NFASC: variants seen among roughly 807,000 people sequenced by gnomAD.
The protein encoded by NFASC is neurofascin homolog.
Under a neutral mutation model 147.5 loss-of-function variants are expected in NFASC, and 43 were observed. The observed-to-expected ratio is 0.29, with a 90% CI of 0.23 to 0.38. The LOEUF is 0.38. Among genes scored for constraint, NFASC ranks in the 10% least tolerant of loss-of-function variants. The probability of loss-of-function intolerance (pLI) is 1.00; values close to 1 mark genes in which losing one functional copy is unlikely to be tolerated. For synonymous variants in NFASC, 622 were observed against 665.5 expected, an observed-to-expected ratio of 0.93 and a Z score of 1.01; for missense variants, 1,320 against 1,689.0, an observed-to-expected ratio of 0.78 and a Z score of 3.83.
At chr1:205,004,089 C>G (rs189891076) in intron 27 of NFASC, among the ~76,000 whole-genome samples, 1 of 152,258 alleles carries the variant, frequency 6.6e-6, no homozygotes, top group Non-Finnish European at 1.5e-5. Context: ...CAGATGAGGT[C>G]CCAAGCTGTT....
Position 204,973,373 on chromosome 1 carries a change from C to T in NFASC, c.1233C>T (p.Ser411=), listed in dbSNP as rs2095314126. 1 of 1,614,144 alleles carries T rather than the reference C, an allele frequency of 6.2e-7. No homozygotes were observed. Among genetic ancestry groups the T allele is most frequent in the Non-Finnish European group, 8.5e-7 (1 of 1,180,060 alleles). The part of the protein sequence containing the change: ...SSRAVYQCNT[S]NEHGYLLANA... Reference sequence around the variant, plus strand: ...GGGCTGTGTACCAGTGCAACACCTCCAACGAGCATGGCTACCTGCTGGCCA... The same window carrying T: ...GGGCTGTGTACCAGTGCAACACCTCTAACGAGCATGGCTACCTGCTGGCCA... The change falls in exon 12 of 30, where the codon TCC becomes TCT. Residue 411 remains serine, a synonymous_variant. Transcript: ENST00000339876.
intron 2 of NFASC, among the ~76,000 whole-genome samples, chr1:204,926,611 G>C (rs1376259373): frequency 2.0e-5 from 3 of 149,044 alleles, no homozygotes; most frequent in African/African-American, 7.4e-5. Flanking sequence ...ATGAAGTTTT[G>C]CCATGTTGCC....
chr1:204,974,788 G>A lies in NFASC; in HGVS notation c.1523G>A (p.Gly508Asp). ...IYTCVATNIL[G>D]KAENQVRLEV... ...ACCTGTGTCGCCACCAACATCCTGG[G>A]CAAAGCTGAAAACCAAGTCCGCCTG... The change falls in exon 14 of 30, where the codon GGC (glycine) becomes GAC (aspartate). Residue 508 changes from glycine to aspartate, a missense_variant. Gly to Asp is a moderately conservative substitution (Grantham distance 94, BLOSUM62 -1). This residue lies in a region of NFASC where 981 missense variants were observed against 1,289.5 expected (regional missense o/e 0.76). Coordinates refer to ENST00000339876, the MANE Select transcript of NFASC (RefSeq NM_001005388.3). 1.2e-6 allele frequency: 2 copies of A among 1,614,210 alleles called. No homozygotes were observed. Among genetic ancestry groups the A allele is most frequent in the South Asian group, 1.1e-5 (1 of 91,080 alleles).
intron 1 of NFASC, among the ~76,000 whole-genome samples, chr1:204,893,020 T>C (rs2082694009): frequency 6.6e-6 from 1 of 152,222 alleles, no homozygotes; most frequent in South Asian, 2.1e-4. Context: ...GGTTTCATAG[T>C]AATCCCATGA....
chr1:204,944,332 C>T lies in NFASC; in HGVS notation c.17C>T (p.Pro6Leu), dbSNP rs147777257. ...GTGCCGAGGATGGCCAGGCAGCCAC[C>T]GCCGCCCTGGGTCCATGCAGCCTTC... Reference protein sequence around the residue: MARQPPPPWVHAAFLL... With the variant: MARQPLPPWVHAAFLL... The change falls in exon 3 of 30, where the codon CCG (proline) becomes CTG (leucine). Residue 6 changes from proline (P) to leucine (L), a missense_variant. By Grantham distance (98) the Pro-to-Leu change is moderately conservative. Transcript: ENST00000339876. 24 of 1,613,662 alleles carry T rather than the reference C, an allele frequency of 1.5e-5. No homozygotes were observed. The highest frequency in any genetic ancestry group is 6.7e-5 in the Admixed American group (4 of 60,002).
chr1:204,857,129 G>A (rs1179281020), intron 1 of NFASC, among the ~76,000 whole-genome samples: 1 of 152,216 alleles, frequency 6.6e-6, no homozygotes, highest in African/African-American at 2.4e-5. Flanking sequence ...GCTGCACCAT[G>A]TTATGTTCCC....
chr1:204,938,478 A>G (rs552026801), intron 2 of NFASC, among the ~76,000 whole-genome samples: 18 of 152,158 alleles, frequency 1.2e-4, no homozygotes, highest in African/African-American at 3.9e-4. Context: ...TGTTATCCCC[A>G]TTTTTCAGAT....
At chr1:204,879,358 G>T (rs759859151) in intron 1 of NFASC, among the ~76,000 whole-genome samples, 1 of 152,214 alleles carries the variant, frequency 6.6e-6, no homozygotes, top group East Asian at 1.9e-4. Flanking sequence ...CAAAACAGTC[G>T]TCTGTAGGAT....
intron 27 of NFASC, among the ~76,000 whole-genome samples, chr1:205,006,026 T>C (rs993261041): frequency 6.6e-6 from 1 of 152,212 alleles, no homozygotes; most frequent in Non-Finnish European, 1.5e-5. Context: ...AACTAGGCCA[T>C]TGACTAGGTC....
intron 1 of NFASC, among the ~76,000 whole-genome samples, chr1:204,830,903 T>C (rs1672045770): frequency 6.6e-6 from 1 of 152,192 alleles, no homozygotes; most frequent in African/African-American, 2.4e-5. Context: ...TCCTGTGCAG[T>C]AAACTCTGAA....
Position 205,002,652 on chromosome 1 carries a change from A to T in NFASC, c.3193A>T (p.Thr1065Ser). The part of the protein sequence containing the change: ...VKAQAQPIQL[T>S]DLYPGMTYTL... ...GGCCCAGGCTCAGCCTATACAGCTG[A>T]CAGACCTCTATCCCGGGATGACATA... Residue 1065 changes from threonine (T) to serine (S), a missense_variant, in exon 27 of 30, where the codon ACA (threonine) becomes TCA (serine). Thr to Ser is a moderately conservative substitution (Grantham distance 58). Transcript: ENST00000339876. The T allele has an allele frequency of 6.3e-7, 1 of 1,585,088 alleles. No individual in the cohort carries two copies. The highest frequency in any genetic ancestry group is 1.1e-5 in the South Asian group (1 of 88,536).
chr1:204,899,164 G>A lies in NFASC; in HGVS notation c.-199-21468G>A, dbSNP rs560860690. The stretch of plus-strand genomic sequence containing the variant: ...AAAGGTACTGAAGCTATTAAAAAAA[G>A]TCACAGCACCGCTGGCTCCATGCAG... On this transcript the variant is annotated intron_variant, in intron 1 of 29. Coordinates refer to ENST00000339876, the MANE Select transcript of NFASC (RefSeq NM_001005388.3). Among the ~76,000 whole-genome samples, 24 of 152,330 alleles carry A rather than the reference G, an allele frequency of 1.6e-4. No homozygotes were observed. In the East Asian group the frequency reaches 4.4e-3, roughly 28 times the overall value.
intron 3 of NFASC, chr1:204,946,683 CG>C: frequency 1.9e-6 from 1 of 516,968 alleles, no homozygotes; most frequent in African/African-American, 1.9e-5. Context: ...TGGTCATGTA[CG>C]GCGAGGGCAT....
intron 1 of NFASC, among the ~76,000 whole-genome samples, chr1:204,872,166 G>A (rs1463411062): frequency 1.3e-5 from 2 of 152,238 alleles, no homozygotes; most frequent in Admixed American, 1.3e-4. Context: ...CCTTCCCAGA[G>A]GCAGTCAGAC....
At chr1:204,848,901 G>C (rs2075410462) in intron 1 of NFASC, among the ~76,000 whole-genome samples, 1 of 152,192 alleles carries the variant, frequency 6.6e-6, no homozygotes. Context: ...AATAATCTGC[G>C]ATAATACCAC....
At chr1:204,942,265 C>T (rs1381503620) in intron 2 of NFASC, among the ~76,000 whole-genome samples, 4 of 152,116 alleles carry the variant, frequency 2.6e-5, no homozygotes, top group African/African-American at 4.8e-5. Flanking sequence ...CAAATACTAA[C>T]GAGAGAGGGC....
chr1:204,899,604 C>G (rs1309734767), intron 1 of NFASC, among the ~76,000 whole-genome samples: 1 of 152,208 alleles, frequency 6.6e-6, no homozygotes, highest in Non-Finnish European at 1.5e-5. Context: ...CCCTGCCCTT[C>G]CTTCTCAAAA....
At chr1:204,946,282 C>T (rs758309306) in intron 3 of NFASC, 1 of 507,442 alleles carries the variant, frequency 2.0e-6, no homozygotes, top group Non-Finnish European at 4.0e-6. Context: ...CTAAGTGCTG[C>T]ATGTGCCTCA....
At chr1:204,974,949 A>G (rs1008795950) in intron 14 of NFASC, 126 bp downstream of exon 14, 3 of 995,122 alleles carry the variant, frequency 3.0e-6, no homozygotes, top group Admixed American at 2.1e-5. Context: ...TGGGCTGCCC[A>G]GTTTGCACCT....
Sources: allele counts gnomAD v4.1 joint callset (sites outside exome capture counted in the v4.1 genomes callset), GRCh38; gene constraint gnomAD v4.1.1; regional missense constraint gnomAD v4.1.1; transcripts MANE v1.5; gene names NCBI Gene and HGNC (gene_info 2026-07-23, HGNC 2026-07-21).